The following NRG1 variants were observed in gnomAD, a reference collection of about 807,000 sequenced individuals.
NRG1 encodes the protein pro-neuregulin-1, membrane-bound isoform.
Under a neutral mutation model 63.8 loss-of-function variants are expected in NRG1, and 18 were observed. The ratio of observed to expected loss-of-function variants is 0.28; its 90% CI spans 0.19 to 0.42. The LOEUF (loss-of-function observed/expected upper bound fraction) is 0.42. Among genes scored for constraint, NRG1 ranks in the 10% least tolerant of loss-of-function variants. NRG1 has a pLI of 1.00. For missense variants in NRG1, 762 were observed against 814.7 expected, an observed-to-expected ratio of 0.94 and a Z score of 0.79; for synonymous variants, 302 against 301.3, an observed-to-expected ratio of 1.00 and a Z score of -0.02.
intron 1 of NRG1, among the ~76,000 whole-genome samples, chr8:31,938,058 C>G (rs1387660622): frequency 6.6e-6 from 1 of 152,136 alleles, no homozygotes; most frequent in Non-Finnish European, 1.5e-5. Context: ...TATAGGACCA[C>G]AGCTGATGCA....
chr8:31,687,961 T>G (rs1282241528), intron 1 of NRG1, among the ~76,000 whole-genome samples: 2 of 152,208 alleles, frequency 1.3e-5, no homozygotes, highest in African/African-American at 4.8e-5. Flanking sequence ...CTGACAACAC[T>G]CCCTACATCT....
At chr8:31,926,870 T>A (rs1834399922) in intron 1 of NRG1, among the ~76,000 whole-genome samples, 1 of 152,184 alleles carries the variant, frequency 6.6e-6, no homozygotes, top group Non-Finnish European at 1.5e-5. Context: ...TCCTCTCTTT[T>A]CTGGGTCTTG....
chr8:32,747,197 G>A (rs555988137), intron 7 of NRG1, among the ~76,000 whole-genome samples: 8 of 152,208 alleles, frequency 5.3e-5, no homozygotes, highest in Non-Finnish European at 1.0e-4. Context: ...AGCTTTCTAT[G>A]CAACTAATAT....
At chr8:31,946,392 G>A (rs1339629597) in intron 1 of NRG1, among the ~76,000 whole-genome samples, 1 of 152,158 alleles carries the variant, frequency 6.6e-6, no homozygotes, top group Non-Finnish European at 1.5e-5. Flanking sequence ...AATGTGTATG[G>A]AAGATCATGC....
chr8:31,751,957 C>G (rs1196683314), intron 1 of NRG1, among the ~76,000 whole-genome samples: 1 of 151,864 alleles, frequency 6.6e-6, no homozygotes, highest in African/African-American at 2.4e-5. Context: ...CATGGATCAC[C>G]TATTTGGTTT....
intron 1 of NRG1, among the ~76,000 whole-genome samples, chr8:32,410,332 C>T (rs1266973459): frequency 6.6e-6 from 1 of 151,812 alleles, no homozygotes; most frequent in African/African-American, 2.4e-5. Flanking sequence ...AGGTACATGC[C>T]ACCATGCCCA....
chr8:32,760,683 T>C, intron 11 of NRG1: 3 of 1,230,450 alleles, frequency 2.4e-6, no homozygotes, highest in Non-Finnish European at 3.1e-6. Flanking sequence ...TTTCCAGCTC[T>C]GGCCATGGGC....
chr8:32,033,317 T>G (rs1818563586), intron 1 of NRG1, among the ~76,000 whole-genome samples: 1 of 152,180 alleles, frequency 6.6e-6, no homozygotes, highest in South Asian at 2.1e-4. Flanking sequence ...GTGTCTGTTT[T>G]TGTACTAGTA....
intron 1 of NRG1, among the ~76,000 whole-genome samples, chr8:31,997,669 T>A (rs1293425745): frequency 3.3e-5 from 5 of 151,964 alleles, no homozygotes; most frequent in Non-Finnish European, 2.9e-5. Flanking sequence ...TCCAGAGTCC[T>A]TCCCACATCA....
At chr8:32,759,213 C>T in intron 9 of NRG1, 93 bp from the exon 10 acceptor site, 1 of 1,341,318 alleles carries the variant, frequency 7.5e-7, no homozygotes, top group African/African-American at 1.5e-5. Context: ...GTGTTTCTGA[C>T]AGTGTTAACG....
At chr8:31,648,739 T>C (rs1481965585) in intron 1 of NRG1, among the ~76,000 whole-genome samples, 1 of 152,172 alleles carries the variant, frequency 6.6e-6, no homozygotes, top group Admixed American at 6.5e-5. Flanking sequence ...AGAATTTCCT[T>C]CTTTTGAAAG....
intron 1 of NRG1, among the ~76,000 whole-genome samples, chr8:32,376,421 C>T (rs567536196): frequency 6.6e-6 from 1 of 152,176 alleles, no homozygotes; most frequent in African/African-American, 2.4e-5. Flanking sequence ...ATCTTCTACC[C>T]TTCTGCATAG....
chr8:32,763,673 C>T (rs1395381259), intron 11 of NRG1, 75 bp from the exon 12 acceptor site: 3 of 1,387,370 alleles, frequency 2.2e-6, no homozygotes, highest in Admixed American at 4.6e-5. Context: ...ATACCGTGAA[C>T]TCTGTCCCCT....
chr8:32,471,941 A>G (rs1323077250), intron 1 of NRG1, among the ~76,000 whole-genome samples: 1 of 152,246 alleles, frequency 6.6e-6, no homozygotes, highest in Non-Finnish European at 1.5e-5. Context: ...GTAAGTGTCT[A>G]TAGAGAAGTG....
intron 1 of NRG1, among the ~76,000 whole-genome samples, chr8:32,345,941 G>C (rs1804831865): frequency 6.6e-6 from 1 of 151,918 alleles, no homozygotes; most frequent in Non-Finnish European, 1.5e-5. Context: ...CTGGGAGGCA[G>C]AAGTTGCAGT....
intron 1 of NRG1, among the ~76,000 whole-genome samples, chr8:32,167,322 G>C (rs764883571): frequency 6.6e-6 from 1 of 152,134 alleles, no homozygotes; most frequent in Admixed American, 6.5e-5. Flanking sequence ...AGAGCCATGA[G>C]ATTAGGGATT....
intron 3 of NRG1, among the ~76,000 whole-genome samples, chr8:32,608,106 T>TTTTTTTTTTTTTTTTTA (rs1845651133): frequency 7.9e-6 from 1 of 125,996 alleles, no homozygotes; most frequent in Admixed American, 7.7e-5. Context: ...TTTTTTTTTT[T>TTTTTTTTTTTTTTTTTA]GTTTTTTTTT....
intron 1 of NRG1, among the ~76,000 whole-genome samples, chr8:32,395,675 C>T (rs553576183): frequency 4.0e-5 from 6 of 151,816 alleles, no homozygotes; most frequent in African/African-American, 1.4e-4. Flanking sequence ...TGTGTTTTCC[C>T]AGTCTGTTTC....
chr8:32,117,543 T>C (rs1212522903), intron 1 of NRG1, among the ~76,000 whole-genome samples: 1 of 152,140 alleles, frequency 6.6e-6, no homozygotes, highest in Non-Finnish European at 1.5e-5. Context: ...TCTCCATTTC[T>C]GATTCTCTTT....
Sources: allele counts gnomAD v4.1 joint callset (sites outside exome capture counted in the v4.1 genomes callset), GRCh38; gene constraint gnomAD v4.1.1; transcripts MANE v1.5; gene names NCBI Gene and HGNC (gene_info 2026-07-23, HGNC 2026-07-21).